Variants in AIG1 observed in about 807,000 individuals in gnomAD.
AIG1 encodes the protein androgen-induced gene 1 protein.
In AIG1, 23 loss-of-function variants were observed where a neutral mutation model predicts 31.4. That is an observed-to-expected ratio of 0.73 (90% confidence interval 0.53 to 1.04). The LOEUF (loss-of-function observed/expected upper bound fraction) is 1.04. Among genes scored for constraint, AIG1 ranks in the 50% least tolerant of loss-of-function variants. The pLI, the probability that AIG1 is intolerant of heterozygous loss-of-function variation, is 0.00. For missense variants in AIG1, 274 were observed against 295.0 expected (o/e 0.93, Z 0.52); for synonymous variants, 100 against 110.5 (o/e 0.90, Z 0.60).
At chr6:143,196,055 C>T (rs1790196712) in intron 3 of AIG1, among the ~76,000 whole-genome samples, 1 of 152,190 alleles carries the variant, frequency 6.6e-6, no homozygotes, top group South Asian at 2.1e-4. Context: ...GAAAGAGGTG[C>T]TGTTTCTGGC....
In AIG1 at chr6:143,070,120, T is replaced by G. The variant is rs183896923; in HGVS notation, c.141+9054T>G. On this transcript the variant is annotated intron_variant, in intron 1 of 5. Transcript: ENST00000357847. ...AGCAGGTAGTGAGAATCATCTAACT[T>G]TGTTCTTTTTCAAAATTTGTTTATG... 3.7e-3 allele frequency among the ~76,000 whole-genome samples: 561 copies of G among 152,346 alleles called. 2 individuals are homozygous for G. Among genetic ancestry groups the G allele is most frequent in the Non-Finnish European group, 3.1e-3 (208 of 68,028 alleles).
intron 1 of AIG1, among the ~76,000 whole-genome samples, chr6:143,129,334 T>C (rs967135134): frequency 1.1e-4 from 16 of 152,142 alleles, no homozygotes; most frequent in Admixed American, 4.6e-4. Flanking sequence ...AAAAATCATT[T>C]TGTAGTACCT....
chr6:143,139,173 T>C (rs981198592), intron 2 of AIG1, among the ~76,000 whole-genome samples: 2 of 152,226 alleles, frequency 1.3e-5, no homozygotes, highest in Non-Finnish European at 2.9e-5. Flanking sequence ...ATAAAACAAG[T>C]GGTGGCCTTT....
At chr6:143,152,446 A>T (rs999248619) in intron 2 of AIG1, among the ~76,000 whole-genome samples, 5 of 152,176 alleles carry the variant, frequency 3.3e-5, no homozygotes, top group African/African-American at 1.2e-4. Flanking sequence ...AAAAGGCCCA[A>T]ATAGTTTTTT....
At chr6:143,203,740 C>T (rs1583497670) in intron 3 of AIG1, among the ~76,000 whole-genome samples, 1 of 152,246 alleles carries the variant, frequency 6.6e-6, no homozygotes, top group East Asian at 1.9e-4. Flanking sequence ...TGAGCCATAT[C>T]CCTTGAGATG....
At chr6:143,318,009 A>G (rs1775905856) in intron 4 of AIG1, among the ~76,000 whole-genome samples, 1 of 152,164 alleles carries the variant, frequency 6.6e-6, no homozygotes, top group African/African-American at 2.4e-5. Flanking sequence ...TACACAAACA[A>G]ATGGAAACAC....
chr6:143,334,352 C>T lies in AIG1; in HGVS notation c.679+907C>T, dbSNP rs1777316984. On this transcript the variant is annotated intron_variant, in intron 5 of 5. Transcript: ENST00000357847. This position sits in a 1 kb window ranked among gnomAD's most constrained non-coding sequence, Gnocchi z 5.1. Reference sequence around the variant, plus strand: ...GAGCACCCTGCTTTGTGCCAGACACCCTGCCAGGAGCTCAATGGAATCAGA... The same window carrying T: ...GAGCACCCTGCTTTGTGCCAGACACTCTGCCAGGAGCTCAATGGAATCAGA... Among the ~76,000 whole-genome samples the T allele has an allele frequency of 6.6e-6, 1 of 152,172 alleles. No individual in the cohort carries two copies. Among genetic ancestry groups the T allele is most frequent in the Admixed American group, 6.5e-5 (1 of 15,274 alleles).
At chr6:143,187,581 G>T (rs1254136341) in intron 3 of AIG1, 7 of 1,535,982 alleles carry the variant, frequency 4.6e-6, no homozygotes, top group Non-Finnish European at 1.7e-6. Context: ...GCAACCTTCT[G>T]CAGGGAGAGA....
intron 3 of AIG1, among the ~76,000 whole-genome samples, chr6:143,193,363 T>C (rs1260625256): frequency 6.6e-6 from 1 of 152,218 alleles, no homozygotes; most frequent in Admixed American, 6.5e-5. Context: ...TTTTGTCTGA[T>C]TCTTCATTTT....
At position 143,297,477 on chromosome 6, in the gene AIG1, G is replaced by A. The variant is rs1367338071; in HGVS notation, c.515+13252G>A. Reference sequence around the variant, plus strand: ...AGATGATTGGTTGGTTGGTTGGTTGGTTGGATGGTTTCTTGGGTGGTTGGA... The same window carrying A: ...AGATGATTGGTTGGTTGGTTGGTTGATTGGATGGTTTCTTGGGTGGTTGGA... On this transcript the variant is annotated intron_variant, in intron 4 of 5. Coordinates refer to ENST00000357847, the MANE Select transcript of AIG1 (RefSeq NM_016108.4). The surrounding 1 kb of genome is among the most constrained non-coding windows in gnomAD (Gnocchi z 5.1). 6.6e-6 allele frequency among the ~76,000 whole-genome samples: 1 copy of A among 151,824 alleles called. No homozygotes were observed. The highest frequency in any genetic ancestry group is 6.6e-5 in the Admixed American group (1 of 15,254).
intron 3 of AIG1, among the ~76,000 whole-genome samples, chr6:143,242,795 A>C (rs1468005819): frequency 6.6e-6 from 1 of 152,218 alleles, no homozygotes; most frequent in Non-Finnish European, 1.5e-5. Flanking sequence ...GACACAAAAC[A>C]CTTCCATTTT....
intron 1 of AIG1, among the ~76,000 whole-genome samples, chr6:143,068,166 C>T (rs770421058): frequency 4.6e-5 from 7 of 152,228 alleles, no homozygotes; most frequent in Non-Finnish European, 8.8e-5. Context: ...TGCCATTCCC[C>T]CATGTCTGGT....
intron 1 of AIG1, among the ~76,000 whole-genome samples, chr6:143,118,832 T>C (rs1379621560): frequency 6.6e-6 from 1 of 151,952 alleles, no homozygotes; most frequent in Non-Finnish European, 1.5e-5. Context: ...AATTCCTATA[T>C]GGAACTTCTG....
intron 1 of AIG1, chr6:143,061,439 T>G: frequency 2.7e-6 from 1 of 375,672 alleles, no homozygotes; most frequent in Non-Finnish European, 5.3e-6. Flanking sequence ...CTGAGACCCA[T>G]TCGCCCTCAA....
intron 1 of AIG1, among the ~76,000 whole-genome samples, chr6:143,112,969 A>G (rs1781418624): frequency 6.6e-6 from 1 of 152,202 alleles, no homozygotes. Flanking sequence ...TTGTGTGCTC[A>G]GGAGCTGTCT....
chr6:143,232,018 T>C (rs971637843), intron 3 of AIG1, among the ~76,000 whole-genome samples: 9 of 152,244 alleles, frequency 5.9e-5, no homozygotes, highest in Admixed American at 5.9e-4. Context: ...GATCTCTCCA[T>C]TTAATCATAA....
chr6:143,310,165 A>G (rs545475311), intron 4 of AIG1, among the ~76,000 whole-genome samples: 3 of 152,048 alleles, frequency 2.0e-5, no homozygotes, highest in Admixed American at 2.0e-4. Context: ...TCTATAGAAT[A>G]TTTTATTCAT....
rs917183927 is a variant in AIG1, at chr6:143,326,337, C to T, written c.516-6945C>T. Among the ~76,000 whole-genome samples, 6 of 152,194 alleles carry T rather than the reference C, an allele frequency of 3.9e-5. No individual in the cohort carries two copies. The highest frequency in any genetic ancestry group is 8.8e-5 in the Non-Finnish European group (6 of 68,032). On this transcript the variant is annotated intron_variant, in intron 4 of 5. Transcript: ENST00000357847. The surrounding 1 kb of genome is among the most constrained non-coding windows in gnomAD (Gnocchi z 4.5). The stretch of plus-strand genomic sequence containing the variant: ...ACTTCTGGGAGCGTTCTCTTGTTCT[C>T]AGTTCTTTAGACATGCCTTTTTTTG...
chr6:143,113,621 A>C (rs1339043682), intron 1 of AIG1, among the ~76,000 whole-genome samples: 6 of 151,838 alleles, frequency 4.0e-5, no homozygotes, highest in Admixed American at 3.9e-4. Context: ...AAAACAAAAA[A>C]AAAGTTACAG....
Sources: gnomAD v4.1 joint callset for allele counts (sites outside exome capture counted in the v4.1 genomes callset) on GRCh38, gnomAD v4.1.1 for gene constraint, Gnocchi (gnomAD v3.1) non-coding constraint, MANE v1.5 for transcripts, NCBI Gene and HGNC (gene_info 2026-07-23, HGNC 2026-07-21) for gene names.